The following TENM4 variants were observed in gnomAD, a reference collection of about 807,000 sequenced individuals.
TENM4 encodes teneurin-4.
A neutral mutation model predicts 243.3 loss-of-function variants in TENM4; 82 were observed. That is an observed-to-expected ratio of 0.34 (90% confidence interval 0.28 to 0.40). TENM4 has a LOEUF of 0.40. Ranked by LOEUF, TENM4 falls within the 10% of genes least tolerant of loss-of-function variation. The probability of loss-of-function intolerance (pLI) is 1.00; values close to 1 mark genes in which losing one functional copy is unlikely to be tolerated. For synonymous variants in TENM4, 1,412 were observed against 1,456.3 expected (o/e 0.97, Z 0.69); for missense variants, 3,138 against 3,673.3 (o/e 0.85, Z 3.77).
intron 2 of TENM4, among the ~76,000 whole-genome samples, chr11:79,216,619 G>A (rs1190975744): frequency 6.6e-6 from 1 of 152,166 alleles, no homozygotes; most frequent in Non-Finnish European, 1.5e-5. Flanking sequence ...AGCAGTGAGT[G>A]AGTTATCTCA....
At chr11:78,796,543 A>G (rs1165491241) in intron 15 of TENM4, among the ~76,000 whole-genome samples, 2 of 152,100 alleles carry the variant, frequency 1.3e-5, no homozygotes, top group African/African-American at 4.8e-5. Context: ...TTTCCTGGAC[A>G]CTTCCACCTG....
intron 3 of TENM4, among the ~76,000 whole-genome samples, chr11:79,163,541 C>A (rs899715495): frequency 1.3e-5 from 2 of 151,798 alleles, no homozygotes; most frequent in African/African-American, 4.8e-5. Flanking sequence ...TCCTCACACC[C>A]CTCCTACCCT....
chr11:79,410,298 T>G (rs12286448), intron 1 of TENM4, among the ~76,000 whole-genome samples: 16,841 of 152,126 alleles, frequency 0.11, 1,018 homozygotes, highest in African/African-American at 0.15. Flanking sequence ...AGACAATATC[T>G]AAGGTCCCCA....
At position 79,007,308 on chromosome 11, in the gene TENM4, G is replaced by C. The variant is rs561212264; in HGVS notation, c.493+57430C>G. Among the ~76,000 whole-genome samples, 4 of 152,082 alleles carry C rather than the reference G, an allele frequency of 2.6e-5. No homozygotes were observed. The East Asian group carries it at 7.7e-4, about 29-fold the overall frequency. ...GGTAGAAAGAGTGGGGGCTGGAGCGGGGAGCAGTAGTAGGGGAAGATGGGA... is the reference window on the plus strand; with the variant it reads ...GGTAGAAAGAGTGGGGGCTGGAGCGCGGAGCAGTAGTAGGGGAAGATGGGA... On this transcript the variant is annotated intron_variant, in intron 6 of 33. Coordinates refer to ENST00000278550, the MANE Select transcript of TENM4 (RefSeq NM_001098816.3).
chr11:79,040,361 C>A (rs1859489276), intron 6 of TENM4, among the ~76,000 whole-genome samples: 1 of 152,200 alleles, frequency 6.6e-6, no homozygotes, highest in Non-Finnish European at 1.5e-5. Flanking sequence ...TTCTTCCTCA[C>A]TGACTGCCTT....
At chr11:79,032,827 C>A (rs1391991018) in intron 6 of TENM4, among the ~76,000 whole-genome samples, 1 of 152,288 alleles carries the variant, frequency 6.6e-6, no homozygotes, top group South Asian at 2.1e-4. Flanking sequence ...AAGATGAGCA[C>A]CACAAATAGG....
At chr11:79,362,354 T>C (rs1857604689) in intron 1 of TENM4, among the ~76,000 whole-genome samples, 1 of 152,180 alleles carries the variant, frequency 6.6e-6, no homozygotes, top group Non-Finnish European at 1.5e-5. Flanking sequence ...TTCTGCAAAA[T>C]GCACCATCTA....
intron 15 of TENM4, among the ~76,000 whole-genome samples, chr11:78,791,055 T>C (rs1857045487): frequency 6.6e-6 from 1 of 152,104 alleles, no homozygotes; most frequent in Non-Finnish European, 1.5e-5. Flanking sequence ...CTCTTACACA[T>C]TTTAATGGAA....
At chr11:78,792,952 G>A (rs962304230) in intron 15 of TENM4, among the ~76,000 whole-genome samples, 3 of 152,142 alleles carry the variant, frequency 2.0e-5, no homozygotes, top group Non-Finnish European at 4.4e-5. Context: ...GTGAACACAC[G>A]AGGAAGAGGC....
At chr11:79,127,254 G>C (rs550144162) in intron 4 of TENM4, among the ~76,000 whole-genome samples, 3 of 152,240 alleles carry the variant, frequency 2.0e-5, no homozygotes, top group Admixed American at 2.0e-4. Flanking sequence ...ATCCATCCCT[G>C]CAGGGATTGC....
chr11:79,240,054 G>A (rs1325486861), intron 2 of TENM4, among the ~76,000 whole-genome samples: 1 of 152,174 alleles, frequency 6.6e-6, no homozygotes, highest in African/African-American at 2.4e-5. Flanking sequence ...GTGCTCTAGA[G>A]CCAGGCTGCC....
intron 6 of TENM4, among the ~76,000 whole-genome samples, chr11:79,032,455 C>T (rs920308875): frequency 2.0e-5 from 3 of 152,140 alleles, no homozygotes; most frequent in South Asian, 2.1e-4. Context: ...CACAGATCTC[C>T]GGACTGCCAG....
At chr11:79,093,810 C>A (rs1444467998) in intron 4 of TENM4, 2 of 152,236 alleles carry the variant, frequency 1.3e-5, no homozygotes, top group East Asian at 3.9e-4. Flanking sequence ...TTGCTCTCAA[C>A]TCAATAAACA....
chr11:79,415,626 C>A (rs528309661), intron 1 of TENM4, among the ~76,000 whole-genome samples: 1 of 152,338 alleles, frequency 6.6e-6, no homozygotes, highest in Admixed American at 6.5e-5. Context: ...TCAAACTCCA[C>A]TCACTGTGGT....
In TENM4 at chr11:78,910,852, A is replaced by G. The variant is rs144131064; in HGVS notation, c.494-7329T>C. ...TAGTCCTATGTCACGGCCAGTGCTCAAGGCTTCTAAACAGTATTTGGCCTG... is the reference window on the plus strand; with the variant it reads ...TAGTCCTATGTCACGGCCAGTGCTCGAGGCTTCTAAACAGTATTTGGCCTG... On this transcript the variant is annotated intron_variant, in intron 6 of 33. Transcript: ENST00000278550. 2.1e-3 allele frequency among the ~76,000 whole-genome samples: 323 copies of G among 152,276 alleles called. 3 individuals are homozygous for G. The highest frequency in any genetic ancestry group is 7.4e-3 in the African/African-American group (308 of 41,554).
chr11:79,010,040 T>G (rs531841428), intron 6 of TENM4, among the ~76,000 whole-genome samples: 3 of 152,212 alleles, frequency 2.0e-5, no homozygotes, highest in Admixed American at 1.3e-4. Flanking sequence ...AGACCCGACT[T>G]TTTCCTCATT....
intron 17 of TENM4, among the ~76,000 whole-genome samples, chr11:78,777,069 T>C (rs1856753658): frequency 6.6e-6 from 1 of 151,944 alleles, no homozygotes; most frequent in South Asian, 2.1e-4. Context: ...ATCACATGAC[T>C]CACCTAAGAC....
At chr11:78,993,310 G>A (rs1858090606) in intron 6 of TENM4, among the ~76,000 whole-genome samples, 1 of 151,976 alleles carries the variant, frequency 6.6e-6, no homozygotes, top group South Asian at 2.1e-4. Flanking sequence ...GTCTTTTTCT[G>A]GTTGCTTTTT....
chr11:79,045,889 C>A (rs1859644259), intron 6 of TENM4, among the ~76,000 whole-genome samples: 1 of 152,222 alleles, frequency 6.6e-6, no homozygotes, highest in South Asian at 2.1e-4. Flanking sequence ...AAAACACACC[C>A]TCATGTGGAG....
Sources: gnomAD v4.1 joint callset for allele counts (sites outside exome capture counted in the v4.1 genomes callset) on GRCh38, gnomAD v4.1.1 for gene constraint, MANE v1.5 for transcripts, NCBI Gene and HGNC (gene_info 2026-07-23, HGNC 2026-07-21) for gene names.